EEPD1: variants seen among roughly 807,000 people sequenced by gnomAD.
EEPD1 encodes endonuclease/exonuclease/phosphatase family domain containing 1.
EEPD1 carries 17 observed loss-of-function variants against 46.3 expected under a neutral mutation model. The ratio of observed to expected loss-of-function variants is 0.37; its 90% CI spans 0.25 to 0.55. The LOEUF is 0.55. Among genes scored for constraint, EEPD1 ranks in the 20% least tolerant of loss-of-function variants. The pLI is 0.83. For missense variants in EEPD1, 673 were observed against 745.6 expected (o/e 0.90, Z 1.13); for synonymous variants, 313 against 315.6 (o/e 0.99, Z 0.09).
intron 2 of EEPD1, among the ~76,000 whole-genome samples, chr7:36,229,625 C>T (rs1200427083): frequency 6.6e-6 from 1 of 152,168 alleles, no homozygotes; most frequent in Non-Finnish European, 1.5e-5. Context: ...ATCATCTCCA[C>T]CACCCCCTGC....
intron 4 of EEPD1, among the ~76,000 whole-genome samples, chr7:36,283,439 C>CT (rs1787292066): frequency 6.6e-6 from 1 of 152,114 alleles, no homozygotes; most frequent in African/African-American, 2.4e-5. Context: ...TCGAGTGATG[C>CT]TTTAGGTAAG....
Position 36,210,177 on chromosome 7 carries a change from G to A in EEPD1, c.879-28808G>A, listed in dbSNP as rs149929842. The stretch of plus-strand genomic sequence containing the variant: ...TTAATTGTTGTAACAGAGCAGGAAA[G>A]TGATAATAAGGGCCCAGAAATACAG... On this transcript the variant is annotated intron_variant, in intron 2 of 7. Transcript: ENST00000242108. Among the ~76,000 whole-genome samples, 1,514 of 152,280 alleles carry A rather than the reference G, an allele frequency of 9.9e-3. 21 individuals carry two copies. Among genetic ancestry groups the A allele is most frequent in the African/African-American group, 0.034 (1,433 of 41,548 alleles).
chr7:36,250,931 A>T (rs965613581), intron 3 of EEPD1, among the ~76,000 whole-genome samples: 6 of 152,188 alleles, frequency 3.9e-5, no homozygotes, highest in African/African-American at 1.4e-4. Context: ...ACCAAATGAG[A>T]TGAGCCTAGT....
intron 2 of EEPD1, among the ~76,000 whole-genome samples, chr7:36,230,140 T>C (rs1444083016): frequency 1.3e-5 from 2 of 152,032 alleles, no homozygotes; most frequent in African/African-American, 4.8e-5. Context: ...CATCTGTTCA[T>C]TCATCAGGCC....
chr7:36,255,066 A>G (rs191991791), intron 3 of EEPD1, among the ~76,000 whole-genome samples: 26 of 152,344 alleles, frequency 1.7e-4, no homozygotes, highest in Admixed American at 5.9e-4. Flanking sequence ...GATTGCAAAA[A>G]TGTTCTCCCA....
At position 36,186,490 on chromosome 7, in the gene EEPD1, T is replaced by A. The variant is rs114108007; in HGVS notation, c.878+31288T>A. On this transcript the variant is annotated intron_variant, in intron 2 of 7. Transcript: ENST00000242108. ...ACCTTCCATGGAAGTCTTAGAGGAT[T>A]CTGTCAGGCTCATTCAAGGACAGCA... Among the ~76,000 whole-genome samples, 749 of 152,310 alleles carry A rather than the reference T, an allele frequency of 4.9e-3. 10 individuals are homozygous for A. The highest frequency in any genetic ancestry group is 0.017 in the African/African-American group (705 of 41,572).
intron 2 of EEPD1, among the ~76,000 whole-genome samples, chr7:36,160,505 C>G (rs948790210): frequency 6.7e-6 from 1 of 148,634 alleles, no homozygotes; most frequent in Non-Finnish European, 1.5e-5. Flanking sequence ...TGGCTCCAGA[C>G]AGAAGGCCAG....
chr7:36,227,625 C>T (rs867817466), intron 2 of EEPD1, among the ~76,000 whole-genome samples: 1 of 152,126 alleles, frequency 6.6e-6, no homozygotes, highest in East Asian at 1.9e-4. Context: ...AAACAAGAGA[C>T]AAGAAATTTT....
chr7:36,206,555 G>T (rs75448295), intron 2 of EEPD1, among the ~76,000 whole-genome samples: 40 of 152,292 alleles, frequency 2.6e-4, no homozygotes, highest in Admixed American at 1.1e-3. Flanking sequence ...GCACCTTACA[G>T]AGTGGGGCTG....
chr7:36,250,236 T>C (rs921332929), intron 3 of EEPD1, among the ~76,000 whole-genome samples: 4 of 152,114 alleles, frequency 2.6e-5, no homozygotes, highest in Non-Finnish European at 4.4e-5. Context: ...GAAAAAAAAA[T>C]TAAAAATACT....
intron 2 of EEPD1, among the ~76,000 whole-genome samples, chr7:36,234,629 G>T (rs1332112700): frequency 1.3e-5 from 2 of 151,368 alleles, no homozygotes; most frequent in Non-Finnish European, 2.9e-5. Context: ...CCAAGATGGT[G>T]CCAGTGTACT....
intron 6 of EEPD1, among the ~76,000 whole-genome samples, chr7:36,291,089 T>C (rs1342346288): frequency 1.3e-5 from 2 of 152,224 alleles, no homozygotes; most frequent in African/African-American, 2.4e-5. Flanking sequence ...CCAGCGTCTC[T>C]CCTGGCTTTA....
Position 36,158,043 on chromosome 7 carries a change from C to T in EEPD1, c.878+2841C>T, listed in dbSNP as rs563553164. ...GTTTCCTAACTTTTGGGTATGCCTT[C>T]GTGCTTTCTAACAGCTTTCCCATTT... On this transcript the variant is annotated intron_variant, in intron 2 of 7. Coordinates refer to ENST00000242108, the MANE Select transcript of EEPD1 (RefSeq NM_030636.3). Among the ~76,000 whole-genome samples, 6 of 152,280 alleles carry T rather than the reference C, an allele frequency of 3.9e-5. No homozygotes were observed. In the East Asian group the frequency reaches 5.8e-4, roughly 15 times the overall value.
At chr7:36,216,778 A>G (rs1786035806) in intron 2 of EEPD1, among the ~76,000 whole-genome samples, 1 of 152,256 alleles carries the variant, frequency 6.6e-6, no homozygotes, top group Non-Finnish European at 1.5e-5. Flanking sequence ...AATAATAATG[A>G]CAGTAATTTA....
intron 2 of EEPD1, among the ~76,000 whole-genome samples, chr7:36,203,278 A>T (rs1172866054): frequency 1.3e-5 from 2 of 152,196 alleles, no homozygotes; most frequent in Non-Finnish European, 2.9e-5. Context: ...AGTGGGCTGC[A>T]CACAGAAGGG....
intron 2 of EEPD1, among the ~76,000 whole-genome samples, chr7:36,201,790 C>T (rs1785716200): frequency 6.6e-6 from 1 of 152,178 alleles, no homozygotes; most frequent in Admixed American, 6.5e-5. Context: ...TGCATTTACT[C>T]CCAAGGTCTA....
At chr7:36,170,662 T>C (rs1253311305) in intron 2 of EEPD1, among the ~76,000 whole-genome samples, 1 of 151,660 alleles carries the variant, frequency 6.6e-6, no homozygotes, top group Non-Finnish European at 1.5e-5. Context: ...AAGTATTACA[T>C]ATATGCCCTT....
intron 2 of EEPD1, among the ~76,000 whole-genome samples, chr7:36,158,680 A>G (rs1254904645): frequency 6.6e-6 from 1 of 152,246 alleles, no homozygotes; most frequent in Non-Finnish European, 1.5e-5. Flanking sequence ...AGTCTTAGGC[A>G]ATACTCTTCC....
chr7:36,286,239 A>G (rs557373725), intron 5 of EEPD1, among the ~76,000 whole-genome samples: 5 of 152,284 alleles, frequency 3.3e-5, no homozygotes, highest in African/African-American at 1.2e-4. Flanking sequence ...CTTGTACTTC[A>G]TGTCACATTA....
Sources: allele counts gnomAD v4.1 joint callset (sites outside exome capture counted in the v4.1 genomes callset), GRCh38; gene constraint gnomAD v4.1.1; transcripts MANE v1.5; gene names NCBI Gene and HGNC (gene_info 2026-07-23, HGNC 2026-07-21).